TP53I13: variants seen among roughly 807,000 people sequenced by gnomAD.
TP53I13 encodes the protein tumor protein p53-inducible protein 13.
Under a neutral mutation model 39.1 loss-of-function variants are expected in TP53I13, and 27 were observed. That is an observed-to-expected ratio of 0.69 (90% CI 0.51 to 0.95). The LOEUF is 0.95. Among genes scored for constraint, TP53I13 ranks in the 40% least tolerant of loss-of-function variants. TP53I13 has a pLI of 0.00. For synonymous variants in TP53I13, 230 were observed against 224.6 expected (o/e 1.02, Z -0.22); for missense variants, 544 against 520.4 (o/e 1.05, Z -0.44).
chr17:29,576,812 G>A (rs756578942), downstream of TP53I13: 39 of 1,575,078 alleles, frequency 2.5e-5, no homozygotes, highest in Non-Finnish European at 2.9e-5. Context: ...GGGCCTCAGC[G>A]AAGGCCTGGG....
chr17:29,578,941 G>GC, the TP53I13 span: 2 of 1,612,768 alleles, frequency 1.2e-6, no homozygotes, highest in South Asian at 1.1e-5. Context: ...CAGGCCTGCT[G>GC]CCCCGGCAGG....
At chr17:29,567,119 GC>G, upstream of TP53I13, 2 of 469,872 alleles carry the variant, frequency 4.3e-6, no homozygotes, top group Non-Finnish European at 5.9e-6. This position sits in a 1 kb window ranked among gnomAD's most constrained non-coding sequence, Gnocchi z 6.6. Context: ...GGCAGAGGCA[GC>G]CAGTTCGGGC....
Position 29,569,357 on chromosome 17 carries a change from C to T in TP53I13, c.181C>T (p.Gln61Ter). The T allele has an allele frequency of 3.1e-6, 5 of 1,613,652 alleles. No homozygotes were observed. Among genetic ancestry groups the T allele is most frequent in the Non-Finnish European group, 4.2e-6 (5 of 1,179,840 alleles). Residue 61 changes from glutamine (Q) to a stop codon, truncating the protein, a stop_gained and splice_region_variant, in exon 3 of 7, where the codon CAG becomes TAG. Transcript: ENST00000301057. LOFTEE classifies it high-confidence loss of function. ...GACCTACACACGAGTGAGCCCAGGGCAGGTGAGTACAAGCAGGGGCCCACC... is the reference window on the plus strand; with the variant it reads ...GACCTACACACGAGTGAGCCCAGGGTAGGTGAGTACAAGCAGGGGCCCACC... ...RVTYTRVSPG[Q>*]AEDVTFLYHP...
downstream of TP53I13, chr17:29,574,602 G>T: frequency 9.8e-7 from 1 of 1,025,486 alleles, no homozygotes; most frequent in Non-Finnish European, 1.5e-6. Flanking sequence ...AAGGGCACTT[G>T]TGCCAGTGGC....
chr17:29,570,318 G>C (rs1004495281), intron 3 of TP53I13: 2 of 149,148 alleles, frequency 1.3e-5, no homozygotes, highest in Non-Finnish European at 3.0e-5. Flanking sequence ...GACCAGCTTG[G>C]CCAACATGGT....
At chr17:29,576,129 C>G, downstream of TP53I13, 1 of 1,613,796 alleles carries the variant, frequency 6.2e-7, no homozygotes, top group Non-Finnish European at 8.5e-7. Context: ...CGTCCTCTAG[C>G]TCCTGGGGAT....
At chr17:29,567,103 T>A, upstream of TP53I13, 1 of 709,688 alleles carries the variant, frequency 1.4e-6, no homozygotes, top group Non-Finnish European at 1.8e-6. The surrounding 1 kb of genome is among the most constrained non-coding windows in gnomAD (Gnocchi z 6.6). Context: ...GGATTGGCCG[T>A]GGCCGGGCAG....
chr17:29,569,464 C>A, intron 3 of TP53I13, 105 bp downstream of exon 3: 1 of 1,133,646 alleles, frequency 8.8e-7, no homozygotes, highest in African/African-American at 1.5e-5. Context: ...TTCCTTACCA[C>A]TTCCCTCAGG....
At chr17:29,575,541 C>G (rs1420677947), downstream of TP53I13, 2 of 1,562,676 alleles carry the variant, frequency 1.3e-6, no homozygotes, top group Admixed American at 3.5e-5. The surrounding 1 kb of genome is among the most constrained non-coding windows in gnomAD (Gnocchi z 5.5). Flanking sequence ...CTCGGAGCCG[C>G]CCGCCTTGGT....
downstream of TP53I13, chr17:29,577,564 C>T: frequency 1.1e-6 from 1 of 930,326 alleles, no homozygotes; most frequent in Admixed American, 1.7e-5. Flanking sequence ...AGAGCTGGCT[C>T]AGGCCCCAGC....
the TP53I13 span, chr17:29,578,186 G>C: frequency 2.3e-6 from 2 of 854,408 alleles, no homozygotes; most frequent in Admixed American, 1.8e-5. Flanking sequence ...TCATCTGCAG[G>C]CCTCTGAGCA....
chr17:29,579,273 T>C, the TP53I13 span: 45 of 499,226 alleles, frequency 9.0e-5, no homozygotes, highest in Middle Eastern at 5.2e-4. Context: ...GGTTCCTCAA[T>C]CACCTGTTGC....
chr17:29,574,519 C>CCCA, downstream of TP53I13: 4 of 661,740 alleles, frequency 6.0e-6, no homozygotes, highest in South Asian at 6.9e-5. Flanking sequence ...CCTGCCCCCC[C>CCCA]ACCTCCCCAT....
chr17:29,582,042 G>C, the TP53I13 span: 2 of 1,611,634 alleles, frequency 1.2e-6, no homozygotes, highest in Non-Finnish European at 1.7e-6. Context: ...ACGTGCAGAG[G>C]TGTGGTGCCC....
rs1354284913 is a variant in TP53I13, at chr17:29,573,157, A to G, written c.*233A>G. On this transcript the variant is annotated 3_prime_UTR_variant, in exon 7 of 7. Coordinates refer to ENST00000301057, the MANE Select transcript of TP53I13 (RefSeq NM_138349.4). ...TTTCTAATTAAATTATTTTTAGTAG[A>G]CTCTGGAGTTGAGCTTGTGCATCTG... 2 of 398,272 alleles carry G rather than the reference A, an allele frequency of 5.0e-6. No homozygotes were observed. The highest frequency in any genetic ancestry group is 8.2e-5 in the East Asian group (2 of 24,408). The allele number at this position is 398,272 out of a possible 1,614,324, so 24.7% of individuals were successfully genotyped here. A position where few individuals can be genotyped will look rare whatever the true frequency, so the allele number is the denominator to read the frequency against.
chr17:29,569,252 C>T (rs931408525), intron 2 of TP53I13, 66 bp from the exon 3 acceptor site: 3 of 1,565,998 alleles, frequency 1.9e-6, no homozygotes, highest in South Asian at 2.3e-5. Flanking sequence ...GCCTGCCGTC[C>T]CCTCCCCACC....
Position 29,568,930 on chromosome 17 carries a change from G to A in TP53I13, c.73-88G>A. 1 of 1,596,836 alleles carries A rather than the reference G, an allele frequency of 6.3e-7. No homozygotes were observed. The highest frequency in any genetic ancestry group is 8.5e-7 in the Non-Finnish European group (1 of 1,174,110). On this transcript the variant is annotated intron_variant, in intron 1 of 6. Transcript: ENST00000301057. The surrounding 1 kb of genome is among the most constrained non-coding windows in gnomAD (Gnocchi z 4.5). The stretch of plus-strand genomic sequence containing the variant: ...AGTGGCGCGCCGAGGGGGACGCGGA[G>A]TTCTTCCGCTGGCGGGCTGGGCCTG...
downstream of TP53I13, chr17:29,575,270 T>C: frequency 6.3e-7 from 1 of 1,595,588 alleles, no homozygotes; most frequent in Non-Finnish European, 8.6e-7. This position sits in a 1 kb window ranked among gnomAD's most constrained non-coding sequence, Gnocchi z 5.5. Flanking sequence ...CCCCCTCACC[T>C]CCCCCTCCAC....
chr17:29,581,039 A>G, the TP53I13 span: 1 of 400,008 alleles, frequency 2.5e-6, no homozygotes, highest in Non-Finnish European at 4.7e-6. The surrounding 1 kb of genome is among the most constrained non-coding windows in gnomAD (Gnocchi z 4.8). Flanking sequence ...TCGGCCTCCC[A>G]AAGTGCTGGG....
Sources: allele counts gnomAD v4.1 joint callset, GRCh38; gene constraint gnomAD v4.1.1; non-coding constraint Gnocchi (gnomAD v3.1); transcripts MANE v1.5; gene names NCBI Gene and HGNC (gene_info 2026-07-23, HGNC 2026-07-21).